KDM4B: variants seen among roughly 807,000 people sequenced by gnomAD.
KDM4B encodes lysine demethylase 4B, also known as lysine-specific demethylase 4B.
A neutral mutation model predicts 125.2 loss-of-function variants in KDM4B; 32 were observed. The ratio of observed to expected loss-of-function variants is 0.26; its 90% CI spans 0.19 to 0.34. KDM4B has a LOEUF of 0.34. Among genes scored for constraint, KDM4B ranks in the 10% least tolerant of loss-of-function variants. KDM4B has a pLI of 1.00. For missense variants in KDM4B, 1,190 were observed against 1,577.7 expected (o/e 0.75, Z 4.16); for synonymous variants, 721 against 677.9 (o/e 1.06, Z -0.99).
intron 6 of KDM4B, 64 bp downstream of exon 6, chr19:5,047,733 C>G: frequency 6.5e-7 from 1 of 1,529,818 alleles, no homozygotes; most frequent in Non-Finnish European, 9.0e-7. Flanking sequence ...GAGTCAATCC[C>G]GGGTACACGG....
At chr19:5,150,614 C>G (rs112695064) in intron 22 of KDM4B, among the ~76,000 whole-genome samples, 164 bp downstream of exon 22, 1 of 152,126 alleles carries the variant, frequency 6.6e-6, no homozygotes, top group Non-Finnish European at 1.5e-5. Flanking sequence ...TCCATGGGCT[C>G]CTGGCAGGAG....
chr19:5,060,433 C>CAAGAAAAAAA (rs2037551312), intron 6 of KDM4B, among the ~76,000 whole-genome samples: 1 of 32,946 alleles, frequency 3.0e-5, no homozygotes. Flanking sequence ...ACTCTGTCTC[C>CAAGAAAAAAA]AAAAAAAAAA....
At chr19:5,093,143 C>A (rs2038745576) in intron 9 of KDM4B, among the ~76,000 whole-genome samples, 1 of 152,222 alleles carries the variant, frequency 6.6e-6, no homozygotes, top group Non-Finnish European at 1.5e-5. Context: ...GCTGTTGAGG[C>A]CCCTTCAGGG....
chr19:5,060,433 C>CAAAAGAAA (rs2037551488), intron 6 of KDM4B, among the ~76,000 whole-genome samples: 1 of 32,946 alleles, frequency 3.0e-5, no homozygotes, highest in Admixed American at 4.9e-4. Flanking sequence ...ACTCTGTCTC[C>CAAAAGAAA]AAAAAAAAAA....
At chr19:4,974,133 T>C (rs1383418242) in intron 1 of KDM4B, among the ~76,000 whole-genome samples, 3 of 150,020 alleles carry the variant, frequency 2.0e-5, no homozygotes, top group Non-Finnish European at 4.4e-5. Flanking sequence ...GCGCAGTGGC[T>C]CACGCCTGTA....
intron 1 of KDM4B, among the ~76,000 whole-genome samples, chr19:4,984,013 A>G (rs1412885742): frequency 1.3e-5 from 2 of 152,208 alleles, no homozygotes; most frequent in African/African-American, 2.4e-5. Context: ...CCCAGGGGCA[A>G]TTCTGTCTCT....
At chr19:5,137,771 CCAT>C in intron 17 of KDM4B, 95 bp downstream of exon 17, 1 of 1,217,806 alleles carries the variant, frequency 8.2e-7, no homozygotes, top group Non-Finnish European at 1.1e-6. Flanking sequence ...TAGGGGTTGA[CCAT>C]CACCTCCACA....
intron 1 of KDM4B, among the ~76,000 whole-genome samples, chr19:5,007,951 G>A (rs1336481300): frequency 1.3e-5 from 2 of 152,150 alleles, no homozygotes; most frequent in African/African-American, 2.4e-5. Flanking sequence ...CCAAAGCCAC[G>A]AAGGTTTAAT....
At chr19:5,083,501 G>T (rs1253211480) in intron 9 of KDM4B, among the ~76,000 whole-genome samples, 1 of 152,214 alleles carries the variant, frequency 6.6e-6, no homozygotes, top group African/African-American at 2.4e-5. Context: ...TGGAGCTGGG[G>T]GCTGGGGAGC....
rs758239615 is a variant in KDM4B at position 5,131,231 on chromosome 19, G to T, written c.1471G>T (p.Gly491Cys). 3.5e-5 allele frequency: 56 copies of T among 1,607,328 alleles called. No homozygotes were observed. Residue 491 changes from glycine to cysteine, a missense_variant, in exon 12 of 23, where the codon GGC becomes TGC. Physicochemically the swap from Gly to Cys is radical, Grantham distance 159. This residue lies in a region of KDM4B where 428 missense variants were observed against 405.1 expected (regional missense o/e 1.06). Transcript: ENST00000159111. ...LPSPLEPPVLGPGPAAMEESP... is the reference protein window; with the variant it reads ...LPSPLEPPVLCPGPAAMEESP... ...ATCCCCACTGGAGCCCCCGGTGCTG[G>T]GCCCAGGCCCTGCAGCCATGGAGGA... is the stretch of plus-strand genomic sequence containing the variant.
intron 9 of KDM4B, among the ~76,000 whole-genome samples, chr19:5,094,768 G>A (rs10410608): frequency 0.041 from 6,288 of 152,228 alleles, 450 homozygotes; most frequent in African/African-American, 0.14. Flanking sequence ...TGGGAGCCAC[G>A]GGCCACACGT....
At chr19:5,136,016 C>T (rs188152402) in intron 15 of KDM4B, among the ~76,000 whole-genome samples, 149 of 152,368 alleles carry the variant, frequency 9.8e-4, no homozygotes, top group Non-Finnish European at 1.5e-3. Flanking sequence ...CCCGTCTCTC[C>T]GCAGGCTGTG....
intron 8 of KDM4B, chr19:5,077,815 C>T: frequency 3.6e-6 from 1 of 279,806 alleles, no homozygotes; most frequent in Middle Eastern, 1.2e-3. Context: ...GCCAAAGAAA[C>T]AGAGGGCAGG....
chr19:4,969,838 C>T (rs1006574324), intron 1 of KDM4B, among the ~76,000 whole-genome samples: 12 of 151,284 alleles, frequency 7.9e-5, no homozygotes, highest in Non-Finnish European at 1.3e-4. Flanking sequence ...CCAAACTTGC[C>T]CCCCTGTACG....
intron 1 of KDM4B, among the ~76,000 whole-genome samples, chr19:4,998,148 C>T (rs2035260758): frequency 6.6e-6 from 1 of 152,198 alleles, no homozygotes; most frequent in South Asian, 2.1e-4. Context: ...ATCCCCTCGC[C>T]TGGGGGCAGT....
chr19:5,009,818 G>A (rs1044400804), intron 1 of KDM4B, among the ~76,000 whole-genome samples: 6 of 152,032 alleles, frequency 3.9e-5, no homozygotes, highest in African/African-American at 1.2e-4. Flanking sequence ...TGCAGCCACT[G>A]CCTCCCAGGT....
intron 9 of KDM4B, among the ~76,000 whole-genome samples, chr19:5,097,026 G>A (rs2038841284): frequency 6.6e-6 from 1 of 152,216 alleles, no homozygotes; most frequent in Non-Finnish European, 1.5e-5. Context: ...AGCATGTGTG[G>A]TGTGGAGTCA....
At chr19:5,135,097 G>T (rs1017708788) in intron 14 of KDM4B, among the ~76,000 whole-genome samples, 1 of 152,228 alleles carries the variant, frequency 6.6e-6, no homozygotes, top group East Asian at 1.9e-4. Flanking sequence ...TCTGTGTCTG[G>T]ATGCAACCCT....
chr19:5,123,314 T>C (rs570288525), intron 11 of KDM4B, among the ~76,000 whole-genome samples: 16 of 152,292 alleles, frequency 1.1e-4, no homozygotes, highest in Admixed American at 8.5e-4. Flanking sequence ...GGTCCAGGTG[T>C]CAGCCGGGCT....
Sources: allele counts gnomAD v4.1 joint callset (sites outside exome capture counted in the v4.1 genomes callset), GRCh38; gene constraint gnomAD v4.1.1; regional missense constraint gnomAD v4.1.1; transcripts MANE v1.5; gene names NCBI Gene and HGNC (gene_info 2026-07-23, HGNC 2026-07-21).